The following IPO11 variants were observed in gnomAD, a reference collection of about 807,000 sequenced individuals.
IPO11 encodes importin 11.
Under a neutral mutation model 143.2 loss-of-function variants are expected in IPO11, and 66 were observed. The observed-to-expected ratio is 0.46, with a 90% CI of 0.38 to 0.57. The LOEUF (loss-of-function observed/expected upper bound fraction) is 0.57. IPO11 is among the 20% of genes least tolerant of loss of function. The pLI is 0.00. For missense variants in IPO11, 1,026 were observed against 1,141.0 expected, an observed-to-expected ratio of 0.90 and a Z score of 1.45; for synonymous variants, 385 against 377.8, an observed-to-expected ratio of 1.02 and a Z score of -0.22.
At chr5:62,622,495 G>A (rs543541381) in intron 29 of IPO11, among the ~76,000 whole-genome samples, 3 of 152,328 alleles carry the variant, frequency 2.0e-5, no homozygotes, top group East Asian at 1.9e-4. Context: ...TTTAGTAAAT[G>A]TGGATATTGT....
chr5:62,503,978 C>A (rs971029766), intron 16 of IPO11, among the ~76,000 whole-genome samples: 1 of 152,150 alleles, frequency 6.6e-6, no homozygotes, highest in Admixed American at 6.5e-5. Context: ...GTCTTGAGCT[C>A]ATGTTACTTT....
intron 27 of IPO11, chr5:62,580,925 T>G (rs1394253135): frequency 6.4e-7 from 1 of 1,551,258 alleles, no homozygotes; most frequent in Admixed American, 2.0e-5. Flanking sequence ...ACCTTGAACT[T>G]GGAAAAAAAC....
At chr5:62,623,640 TTTTTC>T (rs1270650324) in intron 29 of IPO11, among the ~76,000 whole-genome samples, 1 of 149,278 alleles carries the variant, frequency 6.7e-6, no homozygotes, top group Admixed American at 6.6e-5. Flanking sequence ...TTCTTTCTTC[TTTTTC>T]TTTTTTTTTT....
At chr5:62,571,688 CTTT>C (rs545817315) in intron 27 of IPO11, among the ~76,000 whole-genome samples, 1 of 140,788 alleles carries the variant, frequency 7.1e-6, no homozygotes, top group Non-Finnish European at 1.6e-5. Context: ...CATTATTAAA[CTTT>C]TTTTTTTTTT....
In IPO11 at chr5:62,533,337, G is replaced by T. The variant is rs533795867; in HGVS notation, c.2089+2552G>T. ...AGAGATTCTCCTGCCTCAGCCTCCCGAGTAGCTGGGATTATAGGTATGCAC... is the reference window on the plus strand; with the variant it reads ...AGAGATTCTCCTGCCTCAGCCTCCCTAGTAGCTGGGATTATAGGTATGCAC... On this transcript the variant is annotated intron_variant, in intron 22 of 29. Transcript: ENST00000325324. 9.9e-5 allele frequency among the ~76,000 whole-genome samples: 15 copies of T among 151,402 alleles called. 1 individual carries two copies. The South Asian group carries it at 1.7e-3, about 17-fold the overall frequency.
At chr5:62,559,688 G>A (rs1461310521) in intron 26 of IPO11, among the ~76,000 whole-genome samples, 2 of 151,718 alleles carry the variant, frequency 1.3e-5, no homozygotes, top group Non-Finnish European at 2.9e-5. Flanking sequence ...AGGCCGAGGC[G>A]GGTGGATCAC....
chr5:62,590,311 A>G (rs1156715426), intron 27 of IPO11, among the ~76,000 whole-genome samples: 2 of 152,088 alleles, frequency 1.3e-5, no homozygotes, highest in Admixed American at 6.5e-5. Context: ...TCCTTTGGCT[A>G]TTTCAATAAA....
In IPO11 at chr5:62,483,308, G is replaced by A. The variant is rs1746276786; in HGVS notation, c.1021+15G>A. ...AAATTTTGAAGGTAATTCCTTTATT[G>A]GCAGTTTAAAAGAATTATTTTAATC... is the stretch of plus-strand genomic sequence containing the variant. On this transcript the variant is annotated intron_variant, in intron 10 of 29. Transcript: ENST00000325324. The A allele has an allele frequency of 6.9e-7, 1 of 1,446,656 alleles. No homozygotes were observed. Among genetic ancestry groups the A allele is most frequent in the South Asian group, 1.3e-5 (1 of 76,326 alleles). 89.6% of individuals were successfully genotyped at this position (1,446,656 alleles called of 1,614,324 possible).
chr5:62,513,192 G>T (rs1334022243), intron 19 of IPO11, among the ~76,000 whole-genome samples: 1 of 151,762 alleles, frequency 6.6e-6, no homozygotes, highest in Non-Finnish European at 1.5e-5. Flanking sequence ...CTCCCGGACC[G>T]GGTGGCTGGC....
At chr5:62,562,123 GA>G (rs1341725539) in intron 27 of IPO11, 6 of 152,232 alleles carry the variant, frequency 3.9e-5, no homozygotes, top group Admixed American at 2.0e-4. Flanking sequence ...CCACTTCATG[GA>G]TGCACTTATG....
At chr5:62,503,389 T>TCTATTAATATATTAATAGATA (rs1741420568) in intron 16 of IPO11, among the ~76,000 whole-genome samples, 2 of 145,008 alleles carry the variant, frequency 1.4e-5, no homozygotes, top group African/African-American at 2.5e-5. Context: ...ATTAATAGTA[T>TCTATTAATATATTAATAGATA]CTATTAATAT....
chr5:62,619,964 A>G (rs1580397535), intron 29 of IPO11, among the ~76,000 whole-genome samples: 1 of 152,218 alleles, frequency 6.6e-6, no homozygotes, highest in Non-Finnish European at 1.5e-5. Flanking sequence ...ACTTAATGTA[A>G]TAGTTTATTG....
At chr5:62,503,300 C>CAGTATATATTAATATATTAAT (rs1741408715) in intron 16 of IPO11, among the ~76,000 whole-genome samples, 1 of 142,696 alleles carries the variant, frequency 7.0e-6, no homozygotes, top group Non-Finnish European at 1.5e-5. Flanking sequence ...CCATTTTTAT[C>CAGTATATATTAATATATTAAT]AGTATCTATT....
At chr5:62,529,425 G>T (rs1339231053) in intron 21 of IPO11, among the ~76,000 whole-genome samples, 2 of 151,832 alleles carry the variant, frequency 1.3e-5, no homozygotes, top group Non-Finnish European at 2.9e-5. Context: ...ACTTTACTTG[G>T]TGGGGAATTC....
intron 29 of IPO11, among the ~76,000 whole-genome samples, chr5:62,621,237 T>TA (rs1746357658): frequency 1.3e-5 from 2 of 152,170 alleles, no homozygotes; most frequent in African/African-American, 4.8e-5. Flanking sequence ...ATTGTAATGA[T>TA]AATGTTGTAG....
chr5:62,459,306 G>A (rs535316859), intron 5 of IPO11, among the ~76,000 whole-genome samples: 2 of 152,136 alleles, frequency 1.3e-5, no homozygotes, highest in South Asian at 4.1e-4. Flanking sequence ...ACTTTAAAAA[G>A]CATGTAAGTA....
intron 27 of IPO11, among the ~76,000 whole-genome samples, chr5:62,582,578 A>G (rs977341782): frequency 3.3e-5 from 5 of 152,222 alleles, no homozygotes; most frequent in South Asian, 2.1e-4. Flanking sequence ...TCATCTGTCC[A>G]GTACACTGGA....
At chr5:62,489,231 T>C in intron 13 of IPO11, 71 bp from the exon 14 acceptor site, 1 of 848,666 alleles carries the variant, frequency 1.2e-6, no homozygotes, top group Non-Finnish European at 1.8e-6. Flanking sequence ...AAATTGTGTT[T>C]AAATATAAAT....
At chr5:62,424,973 C>A (rs986984353) in intron 1 of IPO11, among the ~76,000 whole-genome samples, 5 of 152,168 alleles carry the variant, frequency 3.3e-5, no homozygotes, top group African/African-American at 1.2e-4. Context: ...TAGAGTGATG[C>A]AATATCTAAC....
Sources: allele counts gnomAD v4.1 joint callset (sites outside exome capture counted in the v4.1 genomes callset), GRCh38; gene constraint gnomAD v4.1.1; transcripts MANE v1.5; gene names NCBI Gene and HGNC (gene_info 2026-07-23, HGNC 2026-07-21).